ARHGEF26: variants seen among roughly 807,000 people sequenced by gnomAD.
ARHGEF26 encodes the protein Rho guanine nucleotide exchange factor 26, also known as Rho guanine nucleotide exchange factor (GEF) 26.
A neutral mutation model predicts 89.4 loss-of-function variants in ARHGEF26; 59 were observed. That is an observed-to-expected ratio of 0.66 (90% CI 0.54 to 0.82). The LOEUF is 0.82. Among genes scored for constraint, ARHGEF26 ranks in the 40% least tolerant of loss-of-function variants. The probability of loss-of-function intolerance (pLI) is 0.00; values close to 1 mark genes in which losing one functional copy is unlikely to be tolerated. For synonymous variants in ARHGEF26, 500 were observed against 428.4 expected (o/e 1.17, Z -2.06); for missense variants, 1,234 against 1,085.6 (o/e 1.14, Z -1.92).
intron 10 of ARHGEF26, among the ~76,000 whole-genome samples, chr3:154,220,545 G>A (rs550602671): frequency 6.6e-5 from 10 of 152,294 alleles, no homozygotes; most frequent in East Asian, 1.9e-4. Context: ...TTCCACTCCT[G>A]TGGCCCAGGA....
rs1306902807 is a variant in ARHGEF26 at position 154,257,021 on chromosome 3, T to C, written c.*1548T>C. On this transcript the variant is annotated 3_prime_UTR_variant, in exon 15 of 15. Transcript: ENST00000465093. ...ATAAAACCTGGCAAAGTGTACATTA[T>C]TGGAGGACTCAAATCTGTATGTGAC... 4.6e-5 allele frequency: 68 copies of C among 1,476,720 alleles called. No homozygotes were observed. The South Asian group carries it at 8.3e-4, about 18-fold the overall frequency. 91.5% of individuals were successfully genotyped at this position (1,476,720 alleles called of 1,614,324 possible).
chr3:154,191,153 CTTA>C (rs962543377), intron 7 of ARHGEF26, 133 bp from the exon 8 acceptor site: 91 of 932,020 alleles, frequency 9.8e-5, no homozygotes, highest in Non-Finnish European at 1.4e-4. Context: ...TAATTATGTG[CTTA>C]TGATATTTTC....
At chr3:154,177,734 C>G (rs908997927) in intron 6 of ARHGEF26, among the ~76,000 whole-genome samples, 27 of 152,160 alleles carry the variant, frequency 1.8e-4, no homozygotes, top group South Asian at 2.1e-4. Context: ...CAGAACAGCT[C>G]TCTTTTATTG....
At chr3:154,219,193 GTTTGTTT>G (rs1715964540) in intron 10 of ARHGEF26, among the ~76,000 whole-genome samples, 1 of 152,164 alleles carries the variant, frequency 6.6e-6, no homozygotes, top group Non-Finnish European at 1.5e-5. Flanking sequence ...TATCTGACAA[GTTTGTTT>G]TTTGTTTTTT....
chr3:154,237,986 T>C (rs905620718), intron 11 of ARHGEF26, among the ~76,000 whole-genome samples: 6 of 152,106 alleles, frequency 3.9e-5, no homozygotes, highest in African/African-American at 7.2e-5. Flanking sequence ...TTTGATGCTG[T>C]TGTTGTTGAG....
At chr3:154,178,210 C>T (rs1228627924) in intron 6 of ARHGEF26, among the ~76,000 whole-genome samples, 1 of 152,014 alleles carries the variant, frequency 6.6e-6, no homozygotes, top group Non-Finnish European at 1.5e-5. Flanking sequence ...TCTTAAAAAA[C>T]AATAAATAAA....
At chr3:154,210,771 A>G (rs1325591203) in intron 9 of ARHGEF26, among the ~76,000 whole-genome samples, 8 of 151,312 alleles carry the variant, frequency 5.3e-5, no homozygotes, top group East Asian at 2.0e-4. Flanking sequence ...GCGAAACCCT[A>G]TCTCTACTAA....
chr3:154,222,100 T>C (rs1211998492), intron 10 of ARHGEF26, among the ~76,000 whole-genome samples: 1 of 152,216 alleles, frequency 6.6e-6, no homozygotes, highest in Non-Finnish European at 1.5e-5. Context: ...TTAAATTCTT[T>C]GCTCAAGGTT....
chr3:154,164,388 T>C (rs1010556778), intron 6 of ARHGEF26, among the ~76,000 whole-genome samples: 1 of 152,136 alleles, frequency 6.6e-6, no homozygotes, highest in African/African-American at 2.4e-5. Flanking sequence ...ATTTTAAAAA[T>C]ATATTTATAA....
intron 9 of ARHGEF26, among the ~76,000 whole-genome samples, chr3:154,205,204 A>G (rs1714940400): frequency 6.6e-6 from 1 of 152,134 alleles, no homozygotes; most frequent in Non-Finnish European, 1.5e-5. Context: ...GTTCATATAT[A>G]TTTAATATTA....
In ARHGEF26 at chr3:154,217,885, A is replaced by T. The variant is rs576107579; in HGVS notation, c.1862A>T (p.Asn621Ile). 1.2e-6 allele frequency: 2 copies of T among 1,600,526 alleles called. No homozygotes were observed. Among genetic ancestry groups the T allele is most frequent in the Admixed American group, 3.4e-5 (2 of 58,146 alleles). The change falls in exon 10 of 15, where the codon AAT becomes ATT. Residue 621 changes from asparagine to isoleucine, a missense_variant. Transcript: ENST00000465093. The part of the protein sequence containing the change: ...KEVSKLVRLC[N>I]EGARKMERTE... ...TGTTCCCAGTTGGTTCGACTATGCA[A>T]TGAGGGCGCCCGGAAGATGGAAAGG...
intron 6 of ARHGEF26, among the ~76,000 whole-genome samples, chr3:154,173,788 G>A (rs990181622): frequency 3.3e-5 from 5 of 152,158 alleles, no homozygotes; most frequent in Non-Finnish European, 7.4e-5. Context: ...GTGGAGGCCT[G>A]CAGGTTCCTG....
In ARHGEF26 at chr3:154,257,149, C is replaced by A; in HGVS notation, c.*1676C>A. On this transcript the variant is annotated 3_prime_UTR_variant, in exon 15 of 15. Coordinates refer to ENST00000465093, the MANE Select transcript of ARHGEF26 (RefSeq NM_015595.4). ...GGCTCACACAGCCTGCACCCTGTCA[C>A]CTCGGCAATGAGCCAGTGTGGGGCA... The A allele has an allele frequency of 1.4e-6, 1 of 698,882 alleles. No homozygotes were observed. The highest frequency in any genetic ancestry group is 2.2e-6 in the Non-Finnish European group (1 of 458,304). The allele number at this position is 698,882 out of a possible 1,614,324, so 43.3% of individuals were successfully genotyped here. A position where few individuals can be genotyped will look rare whatever the true frequency, so the allele number is the denominator to read the frequency against.
chr3:154,152,688 T>C, intron 5 of ARHGEF26, 84 bp from the exon 6 acceptor site: 6 of 1,099,154 alleles, frequency 5.5e-6, no homozygotes, highest in Non-Finnish European at 7.3e-6. Context: ...AGTATCTTGT[T>C]ATTCTTACAG....
intron 11 of ARHGEF26, among the ~76,000 whole-genome samples, chr3:154,226,234 C>G (rs1716481768): frequency 6.6e-6 from 1 of 152,188 alleles, no homozygotes; most frequent in South Asian, 2.1e-4. Flanking sequence ...TATTGAGCCA[C>G]TGTTCTAAGC....
Position 154,122,446 on chromosome 3 carries a change from G to A in ARHGEF26, c.454G>A (p.Ala152Thr). 6.2e-7 allele frequency: 1 copy of A among 1,611,864 alleles called. No individual in the cohort carries two copies. The highest frequency in any genetic ancestry group is 1.1e-5 in the South Asian group (1 of 91,020). The change falls in exon 2 of 15, where the codon GCG (alanine) becomes ACG (threonine). Residue 152 changes from alanine to threonine, a missense_variant. Ala to Thr is a moderately conservative substitution (Grantham distance 58). Coordinates refer to ENST00000465093, the MANE Select transcript of ARHGEF26 (RefSeq NM_015595.4). The part of the protein sequence containing the change: ...PVLRPPRTPN[A>T]PAPCTPEEDL... ...TCTGCGCCCCCCGCGGACTCCTAAC[G>A]CGCCCGCCCCCTGCACCCCCGAGGA...
At chr3:154,185,047 A>G (rs551225459) in intron 6 of ARHGEF26, among the ~76,000 whole-genome samples, 1 of 152,152 alleles carries the variant, frequency 6.6e-6, no homozygotes, top group South Asian at 2.1e-4. Context: ...CTGATAATCC[A>G]GCTTACACGT....
intron 10 of ARHGEF26, among the ~76,000 whole-genome samples, chr3:154,224,978 G>T (rs761683227): frequency 2.0e-5 from 3 of 151,362 alleles, no homozygotes; most frequent in Non-Finnish European, 4.4e-5. Flanking sequence ...ATTATGTTTT[G>T]TGTGTCCAAG....
At chr3:154,234,068 A>G (rs536242198) in intron 11 of ARHGEF26, among the ~76,000 whole-genome samples, 3 of 152,334 alleles carry the variant, frequency 2.0e-5, no homozygotes, top group Admixed American at 2.0e-4. Flanking sequence ...ACCTTTTTAC[A>G]AAAGGAAGAA....
Sources: gnomAD v4.1 joint callset for allele counts (sites outside exome capture counted in the v4.1 genomes callset) on GRCh38, gnomAD v4.1.1 for gene constraint, MANE v1.5 for transcripts, NCBI Gene and HGNC (gene_info 2026-07-23, HGNC 2026-07-21) for gene names.